CACNA2D3: variants seen among roughly 807,000 people sequenced by gnomAD.
The protein encoded by CACNA2D3 is calcium voltage-gated channel auxiliary subunit alpha2delta 3.
In CACNA2D3, 60 loss-of-function variants were observed where a neutral mutation model predicts 160.6. That is an observed-to-expected ratio of 0.37 (90% confidence interval 0.30 to 0.46). The LOEUF (loss-of-function observed/expected upper bound fraction) is 0.46, where lower values mean the gene tolerates loss of function less well. Ranked by LOEUF, CACNA2D3 falls within the 20% of genes least tolerant of loss-of-function variation. The pLI is 1.00. For synonymous variants in CACNA2D3, 558 were observed against 492.9 expected (o/e 1.13, Z -1.75); for missense variants, 1,205 against 1,365.0 (o/e 0.88, Z 1.85).
At chr3:54,974,244 G>A (rs573733672) in intron 29 of CACNA2D3, among the ~76,000 whole-genome samples, 2 of 152,202 alleles carry the variant, frequency 1.3e-5, no homozygotes, top group Non-Finnish European at 2.9e-5. Context: ...GCAGATGGAA[G>A]CCTGTGTTCT....
intron 2 of CACNA2D3, among the ~76,000 whole-genome samples, chr3:54,175,215 G>A (rs1440737083): frequency 6.6e-6 from 1 of 152,140 alleles, no homozygotes; most frequent in African/African-American, 2.4e-5. Context: ...GTGAAAGGGG[G>A]CCCCATTGTG....
chr3:55,061,236 A>G (rs1704498734), intron 35 of CACNA2D3, among the ~76,000 whole-genome samples: 1 of 152,268 alleles, frequency 6.6e-6, no homozygotes, highest in Non-Finnish European at 1.5e-5. Flanking sequence ...AAGTATAACA[A>G]AGAGAATATG....
At position 54,865,176 on chromosome 3, in the gene CACNA2D3, A is replaced by G. The variant is rs144355268; in HGVS notation, c.1627-6363A>G. On this transcript the variant is annotated intron_variant, in intron 17 of 37. Coordinates refer to ENST00000474759, the MANE Select transcript of CACNA2D3 (RefSeq NM_018398.3). ...ACAATGAACCTTGAAAAGTGAAAACAGTAACTGATTCAAAGTACTTTTACC... is the reference window on the plus strand; with the variant it reads ...ACAATGAACCTTGAAAAGTGAAAACGGTAACTGATTCAAAGTACTTTTACC... Among the ~76,000 whole-genome samples, 9 of 152,362 alleles carry G rather than the reference A, an allele frequency of 5.9e-5. No homozygotes were observed. The East Asian group carries it at 1.7e-3, about 29-fold the overall frequency.
intron 11 of CACNA2D3, among the ~76,000 whole-genome samples, chr3:54,690,380 C>G (rs1700549668): frequency 6.6e-6 from 1 of 152,104 alleles, no homozygotes; most frequent in Non-Finnish European, 1.5e-5. Context: ...CTCCAATAGA[C>G]CGTTTGCACA....
At chr3:54,385,190 C>A (rs1699167916) in intron 3 of CACNA2D3, among the ~76,000 whole-genome samples, 3 of 152,182 alleles carry the variant, frequency 2.0e-5, no homozygotes, top group Non-Finnish European at 4.4e-5. Context: ...GATTGCTGGT[C>A]CTCACCTCCA....
chr3:54,292,196 C>G (rs903889813), intron 2 of CACNA2D3, among the ~76,000 whole-genome samples: 2 of 151,674 alleles, frequency 1.3e-5, no homozygotes, highest in Non-Finnish European at 2.9e-5. Flanking sequence ...GACCAAAGGC[C>G]CAAATTTAAG....
At chr3:54,883,823 C>CTCTCTCTCTCTCTCTCTCTCTCTCTT (rs60132112) in intron 21 of CACNA2D3, among the ~76,000 whole-genome samples, 2 of 88,972 alleles carry the variant, frequency 2.2e-5, no homozygotes, top group South Asian at 4.6e-4. Flanking sequence ...CTCTCTCTCT[C>CTCTCTCTCTCTCTCTCTCTCTCTCTT]CTCTCTCTCC....
At chr3:54,764,182 T>G (rs902683272) in intron 12 of CACNA2D3, 36 bp from the exon 13 acceptor site, 1 of 1,612,136 alleles carries the variant, frequency 6.2e-7, no homozygotes, top group Admixed American at 1.7e-5. Flanking sequence ...TCTTTCTGTC[T>G]GTTACTAAAC....
intron 2 of CACNA2D3, among the ~76,000 whole-genome samples, chr3:54,280,818 G>A (rs1366832507): frequency 6.6e-6 from 1 of 152,044 alleles, no homozygotes; most frequent in Non-Finnish European, 1.5e-5. Flanking sequence ...TCCTTTTTGG[G>A]TCTCAGCTTA....
intron 2 of CACNA2D3, among the ~76,000 whole-genome samples, chr3:54,203,632 T>C (rs772220319): frequency 1.3e-5 from 2 of 152,172 alleles, no homozygotes; most frequent in African/African-American, 2.4e-5. Context: ...ATGGTTTTCC[T>C]CTGGAGTTGG....
intron 14 of CACNA2D3, among the ~76,000 whole-genome samples, chr3:54,830,439 G>A (rs567160855): frequency 7.1e-6 from 1 of 140,808 alleles, no homozygotes; most frequent in South Asian, 2.2e-4. Context: ...ACATCAGCTG[G>A]CATTTAAATA....
chr3:54,687,209 C>T lies in CACNA2D3; in HGVS notation c.1167+44968C>T, dbSNP rs147122764. On this transcript the variant is annotated intron_variant, in intron 11 of 37. Coordinates refer to ENST00000474759, the MANE Select transcript of CACNA2D3 (RefSeq NM_018398.3). The stretch of plus-strand genomic sequence containing the variant: ...AGGCTGGAGTGCAATGGTGCCATCT[C>T]GGCTCACTGCAGCCTCCGCCTCCCA... Among the ~76,000 whole-genome samples the T allele has an allele frequency of 5.2e-3, 744 of 143,326 alleles. 12 individuals carry two copies. The highest frequency in any genetic ancestry group is 0.017 in the African/African-American group (682 of 39,174). 94.0% of individuals were successfully genotyped at this position (143,326 alleles called of 152,430 possible). A position where few individuals can be genotyped will look rare whatever the true frequency, so the allele number is the denominator to read the frequency against.
chr3:54,186,903 C>T (rs1700888090), intron 2 of CACNA2D3, among the ~76,000 whole-genome samples: 2 of 152,182 alleles, frequency 1.3e-5, no homozygotes, highest in East Asian at 1.9e-4. Context: ...CCCTGCCAAG[C>T]TCCAGGTGTG....
intron 9 of CACNA2D3, among the ~76,000 whole-genome samples, chr3:54,603,871 A>G (rs998275761): frequency 6.6e-6 from 1 of 151,892 alleles, no homozygotes; most frequent in African/African-American, 2.4e-5. Flanking sequence ...TTAGATATGC[A>G]TGCTTTAAAA....
intron 4 of CACNA2D3, among the ~76,000 whole-genome samples, chr3:54,470,964 G>C (rs1310386700): frequency 3.3e-5 from 5 of 152,092 alleles, no homozygotes; most frequent in Admixed American, 2.6e-4. Flanking sequence ...CAATAATAAT[G>C]AGAGACTTTA....
intron 3 of CACNA2D3, 105 bp from the exon 4 acceptor site, chr3:54,386,610 T>C: frequency 9.7e-7 from 1 of 1,033,004 alleles, no homozygotes; most frequent in South Asian, 1.6e-5. Flanking sequence ...GATCACAATG[T>C]ATGAACCACG....
At chr3:54,912,414 A>G (rs1463946001) in intron 27 of CACNA2D3, among the ~76,000 whole-genome samples, 6 of 151,918 alleles carry the variant, frequency 3.9e-5, no homozygotes, top group African/African-American at 1.2e-4. Context: ...TTTGACCCCT[A>G]TTACCCTCTA....
chr3:54,224,958 T>TA lies in CACNA2D3; in HGVS notation c.205-95483dup, dbSNP rs397973384. On this transcript the variant is annotated intron_variant, in intron 2 of 37. Transcript: ENST00000474759. ...TGAATATCTTTTTTTTTTTTTTTTT[T>TA]ACTTTATATATATACTTTAAGTTCT... Among the ~76,000 whole-genome samples, 3 of 149,118 alleles carry TA rather than the reference T, an allele frequency of 2.0e-5. No homozygotes were observed. The East Asian group carries it at 5.9e-4, about 29-fold the overall frequency.
At chr3:54,845,475 C>T (rs1208862820) in intron 16 of CACNA2D3, among the ~76,000 whole-genome samples, 2 of 152,070 alleles carry the variant, frequency 1.3e-5, no homozygotes, top group Non-Finnish European at 2.9e-5. Context: ...ACTGCTCTGG[C>T]AAAACTGGGT....
Sources: gnomAD v4.1 joint callset for allele counts (sites outside exome capture counted in the v4.1 genomes callset) on GRCh38, gnomAD v4.1.1 for gene constraint, MANE v1.5 for transcripts, NCBI Gene and HGNC (gene_info 2026-07-23, HGNC 2026-07-21) for gene names.